ROBO2: variants seen among roughly 807,000 people sequenced by gnomAD.
ROBO2 encodes the protein roundabout guidance receptor 2.
Under a neutral mutation model 160.8 loss-of-function variants are expected in ROBO2, and 53 were observed. The ratio of observed to expected loss-of-function variants is 0.33; its 90% confidence interval spans 0.26 to 0.41. ROBO2 has a LOEUF of 0.41. Among genes scored for constraint, ROBO2 ranks in the 10% least tolerant of loss-of-function variants. The pLI is 1.00. For missense variants in ROBO2, 1,577 were observed against 1,722.4 expected, an observed-to-expected ratio of 0.92 and a Z score of 1.49; for synonymous variants, 664 against 611.7, an observed-to-expected ratio of 1.09 and a Z score of -1.26.
intron 6 of ROBO2, among the ~76,000 whole-genome samples, chr3:77,526,915 A>G (rs1029366544): frequency 1.3e-5 from 2 of 151,468 alleles, no homozygotes; most frequent in Non-Finnish European, 3.0e-5. Flanking sequence ...ATCTCAACTT[A>G]TTACTGACTG....
At chr3:77,456,657 G>A (rs1445345935) in intron 2 of ROBO2, among the ~76,000 whole-genome samples, 1 of 152,194 alleles carries the variant, frequency 6.6e-6, no homozygotes, top group Admixed American at 6.5e-5. Flanking sequence ...CATATGTGCT[G>A]TTCTTCCTAT....
At chr3:76,403,559 C>G (rs1221669315) in intron 2 of ROBO2, among the ~76,000 whole-genome samples, 2 of 151,458 alleles carry the variant, frequency 1.3e-5, no homozygotes, top group African/African-American at 4.8e-5. Context: ...CCAGAGGGTT[C>G]TGCATTCTTC....
intron 2 of ROBO2, among the ~76,000 whole-genome samples, chr3:77,428,517 C>T (rs1399131533): frequency 6.6e-6 from 1 of 150,632 alleles, no homozygotes; most frequent in Admixed American, 6.6e-5. Flanking sequence ...CCACCGCGCC[C>T]GGCTAATTTT....
intron 2 of ROBO2, among the ~76,000 whole-genome samples, chr3:76,546,366 G>A (rs1160870967): frequency 6.6e-6 from 1 of 151,858 alleles, no homozygotes; most frequent in Non-Finnish European, 1.5e-5. Context: ...TGTGTAGAAG[G>A]TAAAAGTGCT....
At chr3:76,471,150 C>T (rs1443231285) in intron 2 of ROBO2, among the ~76,000 whole-genome samples, 2 of 152,046 alleles carry the variant, frequency 1.3e-5, no homozygotes, top group Non-Finnish European at 2.9e-5. Flanking sequence ...TATCATTGGA[C>T]ACTGTAATCA....
intron 2 of ROBO2, among the ~76,000 whole-genome samples, chr3:76,299,917 C>A (rs1454792373): frequency 6.6e-6 from 1 of 152,052 alleles, no homozygotes; most frequent in Admixed American, 6.6e-5. Context: ...GGAAAGGTTG[C>A]AAAACATAAC....
chr3:76,996,461 T>C (rs1409921872), intron 2 of ROBO2, among the ~76,000 whole-genome samples: 2 of 152,192 alleles, frequency 1.3e-5, no homozygotes, highest in African/African-American at 4.8e-5. Context: ...ATATGAACTT[T>C]AAAGTAGTTT....
intron 2 of ROBO2, among the ~76,000 whole-genome samples, chr3:76,729,817 T>C (rs2093607160): frequency 6.6e-6 from 1 of 152,110 alleles, no homozygotes; most frequent in Non-Finnish European, 1.5e-5. Flanking sequence ...TTTGTTTTTT[T>C]AGTAGAGACG....
intron 2 of ROBO2, among the ~76,000 whole-genome samples, chr3:76,243,066 C>A (rs1705395050): frequency 6.6e-6 from 1 of 152,196 alleles, no homozygotes; most frequent in Admixed American, 6.5e-5. Flanking sequence ...TGTAACAACT[C>A]ACAAACAAAA....
At chr3:77,142,773 C>CAG (rs1441526059) in intron 2 of ROBO2, among the ~76,000 whole-genome samples, 8 of 152,146 alleles carry the variant, frequency 5.3e-5, no homozygotes, top group Admixed American at 5.2e-4. Flanking sequence ...GAGGAGAAGG[C>CAG]AGCTACCTCT....
chr3:76,503,119 G>A (rs1377139244), intron 2 of ROBO2, among the ~76,000 whole-genome samples: 1 of 152,042 alleles, frequency 6.6e-6, no homozygotes, highest in Non-Finnish European at 1.5e-5. Flanking sequence ...GAGGAGCAAG[G>A]AGACCCAGTC....
chr3:75,998,866 T>C (rs963417864), intron 2 of ROBO2, among the ~76,000 whole-genome samples: 1 of 152,246 alleles, frequency 6.6e-6, no homozygotes. Context: ...TTTGTAAAAT[T>C]GTTAAATATT....
At chr3:76,636,304 G>C (rs1410438286) in intron 2 of ROBO2, among the ~76,000 whole-genome samples, 3 of 152,150 alleles carry the variant, frequency 2.0e-5, no homozygotes, top group Non-Finnish European at 4.4e-5. Flanking sequence ...AGAATCTGTT[G>C]TTTATGTCAT....
At chr3:77,026,131 C>A (rs951028562) in intron 2 of ROBO2, among the ~76,000 whole-genome samples, 1 of 152,052 alleles carries the variant, frequency 6.6e-6, no homozygotes, top group East Asian at 1.9e-4. Context: ...ACTGTAATTT[C>A]CTTCAATACT....
chr3:76,766,455 G>T (rs1316808562), intron 2 of ROBO2, among the ~76,000 whole-genome samples: 1 of 151,658 alleles, frequency 6.6e-6, no homozygotes. Flanking sequence ...TAAGAAAATG[G>T]CAGAAAGGAA....
rs1242887102 is a variant in ROBO2 at position 77,166,616 on chromosome 3, TG to T, written c.388+68278del. Among the ~76,000 whole-genome samples the T allele has an allele frequency of 3.3e-5, 5 of 152,176 alleles. No homozygotes were observed. The East Asian group carries it at 9.7e-4, about 29-fold the overall frequency. On this transcript the variant is annotated intron_variant, in intron 2 of 25. Coordinates refer to ENST00000461745, the Ensembl canonical transcript of ROBO2. The stretch of plus-strand genomic sequence containing the variant: ...CTCTGTCGCCCAGGCTGGGGTGCGG[TG>T]GCGCCATCTTGGCTCACTGCAGGCT...
intron 2 of ROBO2, among the ~76,000 whole-genome samples, chr3:77,305,740 A>C (rs1458814210): frequency 6.6e-6 from 1 of 152,232 alleles, no homozygotes; most frequent in East Asian, 1.9e-4. Context: ...ACAAACCAAA[A>C]AAATCTTTGA....
intron 1 of ROBO2, among the ~76,000 whole-genome samples, chr3:77,073,012 A>T (rs945394442): frequency 1.3e-5 from 2 of 152,210 alleles, no homozygotes; most frequent in African/African-American, 4.8e-5. Flanking sequence ...ACAGAAAATA[A>T]ATCTGCTAGG....
chr3:76,658,061 T>A (rs1245714152), intron 2 of ROBO2, among the ~76,000 whole-genome samples: 1 of 115,966 alleles, frequency 8.6e-6, no homozygotes, highest in Non-Finnish European at 1.8e-5. Flanking sequence ...AGCGAGATCC[T>A]GTCTGAATAA....
Sources: allele counts gnomAD v4.1 joint callset (sites outside exome capture counted in the v4.1 genomes callset), GRCh38; gene constraint gnomAD v4.1.1; transcripts MANE v1.5; gene names NCBI Gene and HGNC (gene_info 2026-07-23, HGNC 2026-07-21).